The following KCNJ16 variants were observed in gnomAD, a reference collection of about 807,000 sequenced individuals.
The protein encoded by KCNJ16 is potassium inwardly rectifying channel subfamily J member 16, also known as inward rectifier potassium channel 16.
KCNJ16 carries 15 observed loss-of-function variants against 18.5 expected under a neutral mutation model. The ratio of observed to expected loss-of-function variants is 0.81; its 90% confidence interval spans 0.54 to 1.25. The LOEUF (loss-of-function observed/expected upper bound fraction) is 1.25. KCNJ16 is among the 50% of genes most tolerant of loss of function. The probability of loss-of-function intolerance (pLI) is 0.00; values close to 1 mark genes in which losing one functional copy is unlikely to be tolerated. For synonymous variants in KCNJ16, 174 were observed against 186.5 expected (o/e 0.93, Z 0.55); for missense variants, 523 against 525.7 (o/e 0.99, Z 0.05).
At chr17:70,095,383 T>C (rs143645276) in intron 1 of KCNJ16, among the ~76,000 whole-genome samples, 130 of 152,288 alleles carry the variant, frequency 8.5e-4, no homozygotes, top group Non-Finnish European at 1.6e-3. Flanking sequence ...CAGCTTTCCT[T>C]ATGCTTGCCT....
intron 2 of KCNJ16, chr17:70,101,774 C>T (rs1345113621): frequency 1.9e-5 from 2 of 106,920 alleles, no homozygotes; most frequent in Non-Finnish European, 3.9e-5. Context: ...TATTTAGCCA[C>T]TCATCCATTT....
Position 70,123,791 on chromosome 17 carries a change from T to C in KCNJ16, c.-190-7088T>C, listed in dbSNP as rs59499899. 2.1e-3 allele frequency among the ~76,000 whole-genome samples: 326 copies of C among 152,290 alleles called. 2 individuals carry two copies. The highest frequency in any genetic ancestry group is 7.2e-3 in the African/African-American group (300 of 41,556). The stretch of plus-strand genomic sequence containing the variant: ...TTGACTATTCTGCTGTTAGACCACA[T>C]TCTGGAGCTTGGACTGTAACCACGG... On this transcript the variant is annotated intron_variant, in intron 2 of 3. Transcript: ENST00000392671.
At chr17:70,089,532 C>G (rs11077472) in intron 1 of KCNJ16, among the ~76,000 whole-genome samples, 5 of 152,008 alleles carry the variant, frequency 3.3e-5, no homozygotes, top group Admixed American at 1.3e-4. Context: ...AAGGTGGAAT[C>G]TGTGACTTGA....
At chr17:70,114,069 G>T (rs1454752968) in intron 2 of KCNJ16, among the ~76,000 whole-genome samples, 2 of 152,014 alleles carry the variant, frequency 1.3e-5, no homozygotes, top group African/African-American at 4.8e-5. Flanking sequence ...ATATTTTAAG[G>T]CCTTCTTAAT....
At chr17:70,129,004 G>C (rs1046251753) in intron 2 of KCNJ16, 1 of 152,254 alleles carries the variant, frequency 6.6e-6, no homozygotes, top group African/African-American at 2.4e-5. Context: ...GTGTCTTCCG[G>C]GCAGCCCTCT....
At chr17:70,080,060 G>T (rs1469581837) in intron 1 of KCNJ16, among the ~76,000 whole-genome samples, 4 of 152,158 alleles carry the variant, frequency 2.6e-5, no homozygotes, top group Non-Finnish European at 4.4e-5. Flanking sequence ...AAGAGAAAAA[G>T]ATTTTTTTAA....
intron 2 of KCNJ16, among the ~76,000 whole-genome samples, chr17:70,127,435 C>T (rs956019906): frequency 2.4e-5 from 3 of 125,490 alleles, no homozygotes; most frequent in East Asian, 4.7e-4. Context: ...CATAATTCTA[C>T]GGCAAGGGCA....
intron 2 of KCNJ16, chr17:70,128,879 C>T: frequency 6.6e-6 from 1 of 152,408 alleles, no homozygotes; most frequent in Non-Finnish European, 1.5e-5. Context: ...GGCGTCAGCA[C>T]CAAATGAGTA....
At chr17:70,110,182 T>C (rs1019638222) in intron 2 of KCNJ16, among the ~76,000 whole-genome samples, 3 of 152,188 alleles carry the variant, frequency 2.0e-5, no homozygotes, top group Admixed American at 2.0e-4. Context: ...TGAATGTCTC[T>C]TCATTTCATT....
chr17:70,112,953 C>A (rs2073249521), intron 2 of KCNJ16, among the ~76,000 whole-genome samples: 1 of 152,094 alleles, frequency 6.6e-6, no homozygotes, highest in Non-Finnish European at 1.5e-5. Flanking sequence ...ATGAATTAGC[C>A]CAAGGAATTA....
intron 1 of KCNJ16, among the ~76,000 whole-genome samples, chr17:70,082,148 C>G (rs1443837877): frequency 6.6e-6 from 1 of 152,158 alleles, no homozygotes; most frequent in African/African-American, 2.4e-5. Context: ...ACAGAAAAAA[C>G]AACTGTGCCT....
intron 1 of KCNJ16, among the ~76,000 whole-genome samples, chr17:70,089,425 T>A (rs1167025260): frequency 1.3e-5 from 2 of 152,216 alleles, no homozygotes; most frequent in Admixed American, 1.3e-4. Flanking sequence ...TTACTTTTAT[T>A]TAACTCTCAG....
At chr17:70,103,286 A>ATGTGTGGTG (rs367701950) in intron 2 of KCNJ16, among the ~76,000 whole-genome samples, 3 of 103,814 alleles carry the variant, frequency 2.9e-5, no homozygotes, top group African/African-American at 7.9e-5. Context: ...ATATGCATAT[A>ATGTGTGGTG]TGTGTGTGTG....
chr17:70,122,151 A>G (rs138084314), intron 2 of KCNJ16, among the ~76,000 whole-genome samples: 26 of 151,842 alleles, frequency 1.7e-4, no homozygotes, highest in African/African-American at 6.0e-4. Context: ...GAGAGTCATG[A>G]GACCATATGC....
intron 2 of KCNJ16, among the ~76,000 whole-genome samples, chr17:70,125,594 G>A (rs988487304): frequency 2.0e-5 from 3 of 152,034 alleles, no homozygotes; most frequent in Non-Finnish European, 2.9e-5. Context: ...GAAAGAATTC[G>A]GGGCCAGTCC....
At chr17:70,098,131 T>C (rs986451514) in intron 1 of KCNJ16, among the ~76,000 whole-genome samples, 1 of 152,192 alleles carries the variant, frequency 6.6e-6, no homozygotes, top group African/African-American at 2.4e-5. Context: ...TGCAGCCAAG[T>C]AATAATTTAA....
At chr17:70,128,080 C>T (rs933400159) in intron 2 of KCNJ16, 18 of 152,114 alleles carry the variant, frequency 1.2e-4, no homozygotes, top group African/African-American at 4.1e-4. Context: ...TGGTAAGTCG[C>T]TGAATTTGAG....
chr17:70,130,852 A>T, intron 2 of KCNJ16, 27 bp from the exon 3 acceptor site: 1 of 985,792 alleles, frequency 1.0e-6, no homozygotes. Context: ...TGGCTACAAT[A>T]CTTTTATTTT....
At chr17:70,085,234 T>A (rs994737240) in intron 1 of KCNJ16, among the ~76,000 whole-genome samples, 9 of 152,234 alleles carry the variant, frequency 5.9e-5, no homozygotes, top group Admixed American at 2.6e-4. Flanking sequence ...GGAACATGTG[T>A]CAGACATTAC....
Sources: allele counts gnomAD v4.1 joint callset (sites outside exome capture counted in the v4.1 genomes callset), GRCh38; gene constraint gnomAD v4.1.1; transcripts MANE v1.5; gene names NCBI Gene and HGNC (gene_info 2026-07-23, HGNC 2026-07-21).